KIAA0586: variants seen among roughly 807,000 people sequenced by gnomAD.
The protein encoded by KIAA0586 is protein TALPID3.
KIAA0586 carries 144 observed loss-of-function variants against 169.8 expected under a neutral mutation model. That is an observed-to-expected ratio of 0.85 (90% CI 0.74 to 0.97). The LOEUF is 0.97. Among genes scored for constraint, KIAA0586 ranks in the 50% least tolerant of loss-of-function variants. The pLI is 0.00. For synonymous variants in KIAA0586, 625 were observed against 612.4 expected, an observed-to-expected ratio of 1.02 and a Z score of -0.30; for missense variants, 1,854 against 1,823.0, an observed-to-expected ratio of 1.02 and a Z score of -0.31.
At chr14:58,457,268 T>G (rs2039941594) in intron 10 of KIAA0586, among the ~76,000 whole-genome samples, 1 of 152,180 alleles carries the variant, frequency 6.6e-6, no homozygotes, top group Non-Finnish European at 1.5e-5. Context: ...CACATTAGTT[T>G]TTTTTCTTTT....
rs962979142 is a variant in KIAA0586, at chr14:58,508,647, A to G, written c.4261A>G (p.Thr1421Ala). 10 of 1,595,202 alleles carry G rather than the reference A, an allele frequency of 6.3e-6. No homozygotes were observed. The African/African-American group carries it at 9.4e-5, about 15-fold the overall frequency. Reference sequence around the variant, plus strand: ...AAATTCTAAGCTGGTTCTTCCCACAACACTTCTGACAGCACAAGAAAATGA... The same window carrying G: ...AAATTCTAAGCTGGTTCTTCCCACAGCACTTCTGACAGCACAAGAAAATGA... ...EPNSKLVLPT[T>A]LLTAQENDVN... The change falls in exon 28 of 31, where the codon ACA becomes GCA. Residue 1421 changes from threonine (T) to alanine (A), a missense_variant. Thr to Ala is a moderately conservative substitution (Grantham distance 58). Coordinates refer to ENST00000652326, the MANE Select transcript of KIAA0586 (RefSeq NM_001329943.3).
intron 30 of KIAA0586, among the ~76,000 whole-genome samples, chr14:58,547,309 T>G (rs1378334707): frequency 6.6e-6 from 1 of 152,184 alleles, no homozygotes; most frequent in Non-Finnish European, 1.5e-5. Flanking sequence ...TTTGACCACT[T>G]ACTGAGTGCT....
chr14:58,479,581 T>A (rs188863881), intron 20 of KIAA0586, among the ~76,000 whole-genome samples: 1 of 152,290 alleles, frequency 6.6e-6, no homozygotes, highest in East Asian at 1.9e-4. Flanking sequence ...ATGCTGCTTT[T>A]AAAAAAATCT....
chr14:58,441,260 G>A (rs917607724), intron 4 of KIAA0586: 2 of 439,690 alleles, frequency 4.5e-6, no homozygotes, highest in African/African-American at 4.2e-5. Flanking sequence ...ATCACAGTGG[G>A]GTGATCACAA....
the KIAA0586 span, among the ~76,000 whole-genome samples, chr14:58,560,920 A>G: frequency 5.1e-4 from 78 of 152,314 alleles, no homozygotes; most frequent in Middle Eastern, 3.4e-3. Context: ...TGAATGTACG[A>G]CAAGTTTCAG....
At chr14:58,448,532 C>G in intron 7 of KIAA0586, 39 bp downstream of exon 7, 1 of 1,479,158 alleles carries the variant, frequency 6.8e-7, no homozygotes, top group South Asian at 1.3e-5. Context: ...AAAATGTCAG[C>G]TGTGAATTTT....
intron 28 of KIAA0586, among the ~76,000 whole-genome samples, chr14:58,510,999 G>A (rs1305518397): frequency 6.6e-6 from 1 of 152,156 alleles, no homozygotes; most frequent in Admixed American, 6.5e-5. Flanking sequence ...GAAGATAAAA[G>A]GGTGTGAGAA....
intron 20 of KIAA0586, among the ~76,000 whole-genome samples, chr14:58,478,078 G>A (rs764837706): frequency 7.9e-5 from 12 of 152,098 alleles, no homozygotes; most frequent in Admixed American, 3.9e-4. Flanking sequence ...GGACTGCAGC[G>A]ACATGATCAT....
chr14:58,438,920 A>T (rs748680622), intron 4 of KIAA0586, among the ~76,000 whole-genome samples: 69 of 152,172 alleles, frequency 4.5e-4, no homozygotes, highest in Admixed American at 1.4e-3. Flanking sequence ...TCAGTTGTTT[A>T]TAAGGAATAA....
intron 8 of KIAA0586, among the ~76,000 whole-genome samples, chr14:58,451,154 A>G (rs562247106): frequency 6.6e-6 from 1 of 151,994 alleles, no homozygotes; most frequent in Admixed American, 6.6e-5. Flanking sequence ...ATACCTGGTT[A>G]AATTTTTTGT....
chr14:58,556,720 A>G, the KIAA0586 span, among the ~76,000 whole-genome samples: 2 of 152,188 alleles, frequency 1.3e-5, no homozygotes, highest in South Asian at 2.1e-4. Context: ...TGTGATATTC[A>G]TATATATTTT....
At chr14:58,537,692 C>G (rs530794005) in intron 29 of KIAA0586, among the ~76,000 whole-genome samples, 243 of 152,036 alleles carry the variant, frequency 1.6e-3, no homozygotes, top group Non-Finnish European at 2.6e-3. Flanking sequence ...CTGTCACCCA[C>G]GCTGGAGTGC....
chr14:58,545,587 G>A (rs1375368439), intron 30 of KIAA0586, among the ~76,000 whole-genome samples: 1 of 152,148 alleles, frequency 6.6e-6, no homozygotes, highest in Non-Finnish European at 1.5e-5. Context: ...TATATCCAGT[G>A]TTAGTTTTTA....
At chr14:58,474,261 A>G (rs984105899) in intron 18 of KIAA0586, among the ~76,000 whole-genome samples, 2 of 152,216 alleles carry the variant, frequency 1.3e-5, no homozygotes, top group Non-Finnish European at 1.5e-5. Context: ...TATCCAAACC[A>G]TATCAGGAAG....
chr14:58,524,470 G>A (rs1281466555), intron 29 of KIAA0586, among the ~76,000 whole-genome samples: 7 of 152,182 alleles, frequency 4.6e-5, no homozygotes, highest in African/African-American at 1.7e-4. Context: ...GCCTGGGAAT[G>A]TAAACATTAA....
chr14:58,518,797 T>C (rs181420253), intron 29 of KIAA0586, among the ~76,000 whole-genome samples: 1 of 152,316 alleles, frequency 6.6e-6, no homozygotes, highest in East Asian at 1.9e-4. Flanking sequence ...CCCACTCTCT[T>C]CCCCTAGCTC....
chr14:58,454,253 AATTTGGATTAATAGTG>A (rs2039637061), intron 9 of KIAA0586, among the ~76,000 whole-genome samples: 1 of 152,188 alleles, frequency 6.6e-6, no homozygotes, highest in African/African-American at 2.4e-5. Context: ...AAAGCAATCT[AATTTGGATTAATAGTG>A]ATTTAATTTC....
At position 58,486,991 on chromosome 14, in the gene KIAA0586, GTTTTA is replaced by G. The variant is rs1401917393; in HGVS notation, c.3145-12_3145-8del. ...GGTGATTATAAACACAGTTTATCTT[GTTTTA>G]TTTATTTTAGGCAAGAGTGTGCACC... On this transcript the variant is annotated splice_polypyrimidine_tract_variant and intron_variant, in intron 21 of 30. Transcript: ENST00000652326. 2 of 1,576,908 alleles carry G rather than the reference GTTTTA, an allele frequency of 1.3e-6. No homozygotes were observed. The highest frequency in any genetic ancestry group is 2.7e-5 in the African/African-American group (2 of 73,196).
chr14:58,427,653 C>G, upstream of KIAA0586: 1 of 1,535,556 alleles, frequency 6.5e-7, no homozygotes, highest in African/African-American at 1.4e-5. Context: ...TTTCTTGGCG[C>G]GCATGCGTGT....
Sources: gnomAD v4.1 joint callset for allele counts (sites outside exome capture counted in the v4.1 genomes callset) on GRCh38, gnomAD v4.1.1 for gene constraint, MANE v1.5 for transcripts, NCBI Gene and HGNC (gene_info 2026-07-23, HGNC 2026-07-21) for gene names.